Variants in PRKN observed in about 807,000 individuals in gnomAD.
The protein encoded by PRKN is E3 ubiquitin-protein ligase parkin.
In PRKN, 56 loss-of-function variants were observed where a neutral mutation model predicts 59.5. The ratio of observed to expected loss-of-function variants is 0.94; its 90% CI spans 0.76 to 1.18. The LOEUF is 1.18. Ranked by LOEUF, PRKN falls within the 50% of genes most tolerant of loss-of-function variation. The pLI is 0.00. For synonymous variants in PRKN, 250 were observed against 222.1 expected (o/e 1.13, Z -1.12); for missense variants, 657 against 596.4 (o/e 1.10, Z -1.06).
rs1176880061 is a variant in PRKN, at chr6:161,360,933, T to C, written c.1168-728A>G. ...TGAAACACCTTGTGCATTGGGGGTA[T>C]GGAGGATTCTATGAGTTAATTTCTT... On this transcript the variant is annotated intron_variant, in intron 10 of 11. Transcript: ENST00000366898. The surrounding 1 kb of genome is among the most constrained non-coding windows in gnomAD (Gnocchi z 5.1). Among the ~76,000 whole-genome samples, 1 of 152,178 alleles carries C rather than the reference T, an allele frequency of 6.6e-6. No homozygotes were observed. Among genetic ancestry groups the C allele is most frequent in the East Asian group, 1.9e-4 (1 of 5,192 alleles).
intron 3 of PRKN, among the ~76,000 whole-genome samples, chr6:162,234,029 G>C (rs1252698030): frequency 6.6e-6 from 1 of 152,132 alleles, no homozygotes; most frequent in Non-Finnish European, 1.5e-5. Context: ...AAGAGTTGAT[G>C]ACAAAAATAA....
At chr6:162,399,427 C>T (rs1235945972) in intron 2 of PRKN, among the ~76,000 whole-genome samples, 2 of 152,048 alleles carry the variant, frequency 1.3e-5, no homozygotes, top group African/African-American at 4.8e-5. Flanking sequence ...AGAAAGTGAG[C>T]AATACTAGAA....
chr6:161,844,990 C>G (rs1274661026), intron 6 of PRKN, among the ~76,000 whole-genome samples: 2 of 152,218 alleles, frequency 1.3e-5, no homozygotes, highest in Admixed American at 1.3e-4. Context: ...TACACAGGTA[C>G]AAACCAGTTG....
At position 161,419,166 on chromosome 6, in the gene PRKN, G is replaced by C. The variant is rs1171348630; in HGVS notation, c.1084-32289C>G. ...TGAAAATGGTGAGAATCCTTTACGAGCTAACGTGCTACACAGAGTTTGATG... is the reference window on the plus strand; with the variant it reads ...TGAAAATGGTGAGAATCCTTTACGACCTAACGTGCTACACAGAGTTTGATG... On this transcript the variant is annotated intron_variant, in intron 9 of 11. Transcript: ENST00000366898. The surrounding 1 kb of genome is among the most constrained non-coding windows in gnomAD (Gnocchi z 4.1). 6.6e-6 allele frequency among the ~76,000 whole-genome samples: 1 copy of C among 152,178 alleles called. No individual in the cohort carries two copies. Among genetic ancestry groups the C allele is most frequent in the South Asian group, 2.1e-4 (1 of 4,826 alleles).
intron 1 of PRKN, among the ~76,000 whole-genome samples, chr6:162,677,410 A>T (rs2128231765): frequency 7.3e-6 from 1 of 136,490 alleles, no homozygotes; most frequent in East Asian, 2.5e-4. Context: ...GTACTTGGTT[A>T]TTCTGGCCTC....
At chr6:162,669,540 T>A (rs1047848438) in intron 1 of PRKN, among the ~76,000 whole-genome samples, 7 of 152,192 alleles carry the variant, frequency 4.6e-5, no homozygotes, top group Non-Finnish European at 1.0e-4. Flanking sequence ...GCAATCTCTT[T>A]GCCAGTCTAT....
At chr6:162,127,631 T>C (rs1781175042) in intron 4 of PRKN, among the ~76,000 whole-genome samples, 1 of 152,200 alleles carries the variant, frequency 6.6e-6, no homozygotes, top group African/African-American at 2.4e-5. Context: ...AAAATGTGCA[T>C]CGTTGAGTCA....
chr6:161,870,770 T>C (rs1794309313), intron 6 of PRKN, among the ~76,000 whole-genome samples: 1 of 152,196 alleles, frequency 6.6e-6, no homozygotes, highest in Admixed American at 6.5e-5. Flanking sequence ...CAGTGCCAAC[T>C]GTTTTCATGG....
chr6:161,976,711 GT>G (rs1285107646), intron 5 of PRKN, among the ~76,000 whole-genome samples: 1 of 152,138 alleles, frequency 6.6e-6, no homozygotes, highest in Admixed American at 6.5e-5. Flanking sequence ...GCTACGACTG[GT>G]TTTTGCAGAC....
Position 162,351,832 on chromosome 6 carries a change from TTG to T in PRKN, c.172-89069_172-89068del, listed in dbSNP as rs565646322. Among the ~76,000 whole-genome samples, 1,148 of 151,244 alleles carry T rather than the reference TTG, an allele frequency of 7.6e-3. 3 individuals carry two copies. Among genetic ancestry groups the T allele is most frequent in the African/African-American group, 0.02 (810 of 41,330 alleles). On this transcript the variant is annotated intron_variant, in intron 2 of 11. Coordinates refer to ENST00000366898, the MANE Select transcript of PRKN (RefSeq NM_004562.3). The stretch of plus-strand genomic sequence containing the variant: ...TATACCCTGAGGTTTTTGTGTGTGT[TTG>T]TGTGTGTGTGTGTATGGGTGTGTGT...
chr6:162,023,144 C>T (rs896452999), intron 5 of PRKN, among the ~76,000 whole-genome samples: 3 of 151,870 alleles, frequency 2.0e-5, no homozygotes, highest in African/African-American at 7.3e-5. Context: ...TACAGACGGG[C>T]AGGCTGTGGG....
intron 4 of PRKN, among the ~76,000 whole-genome samples, chr6:162,100,708 C>G (rs1273118801): frequency 6.6e-6 from 1 of 152,152 alleles, no homozygotes; most frequent in Non-Finnish European, 1.5e-5. Flanking sequence ...TCCCAAAGTG[C>G]TGGGATTACA....
intron 6 of PRKN, among the ~76,000 whole-genome samples, chr6:161,925,812 G>T (rs1778948785): frequency 6.6e-6 from 1 of 152,064 alleles, no homozygotes; most frequent in Non-Finnish European, 1.5e-5. Context: ...AAACAACATG[G>T]AAGACATCCT....
chr6:162,268,866 G>A (rs1780247902), intron 2 of PRKN, among the ~76,000 whole-genome samples: 1 of 152,170 alleles, frequency 6.6e-6, no homozygotes, highest in Non-Finnish European at 1.5e-5. Flanking sequence ...AACCACCCCA[G>A]GTACGAAGGA....
Position 162,723,373 on chromosome 6 carries a change from G to C in PRKN, c.7+4289C>G, listed in dbSNP as rs563944705. Among the ~76,000 whole-genome samples the C allele has an allele frequency of 2.0e-5, 3 of 152,182 alleles. No homozygotes were observed. In the East Asian group the frequency reaches 5.8e-4, roughly 29 times the overall value. Reference sequence around the variant, plus strand: ...AAAAATCTTCGATGGCACATGGGAGGAAATGGGCACTCTTATACACACTGA... The same window carrying C: ...AAAAATCTTCGATGGCACATGGGAGCAAATGGGCACTCTTATACACACTGA... On this transcript the variant is annotated intron_variant, in intron 1 of 11. Transcript: ENST00000366898.
chr6:162,493,156 C>G (rs1261846211), intron 1 of PRKN, among the ~76,000 whole-genome samples: 1 of 152,090 alleles, frequency 6.6e-6, no homozygotes, highest in Non-Finnish European at 1.5e-5. Context: ...ATGGACATTT[C>G]TATCGCCAAC....
rs200619061 is a variant in PRKN, at chr6:162,390,423, A to C, written c.171+52887T>G. On this transcript the variant is annotated intron_variant, in intron 2 of 11. Coordinates refer to ENST00000366898, the MANE Select transcript of PRKN (RefSeq NM_004562.3). ...CACACACACACACACACACACACAC[A>C]CACACCTTATATATATATATATATT... Among the ~76,000 whole-genome samples, 39 of 142,232 alleles carry C rather than the reference A, an allele frequency of 2.7e-4. 1 individual carries two copies. The East Asian group carries it at 6.9e-3, about 25-fold the overall frequency. 93.3% of individuals were successfully genotyped at this position (142,232 alleles called of 152,430 possible). A position where few individuals can be genotyped will look rare whatever the true frequency, so the allele number is the denominator to read the frequency against.
At chr6:162,072,933 A>C (rs1004518939) in intron 4 of PRKN, among the ~76,000 whole-genome samples, 1 of 152,214 alleles carries the variant, frequency 6.6e-6, no homozygotes, top group African/African-American at 2.4e-5. Flanking sequence ...CAATATCATC[A>C]TGGAAAGAAC....
intron 5 of PRKN, among the ~76,000 whole-genome samples, chr6:161,996,057 G>A (rs988076795): frequency 1.3e-5 from 2 of 152,094 alleles, no homozygotes; most frequent in African/African-American, 2.4e-5. Flanking sequence ...CCAAAGGAAG[G>A]AAATCAGCAT....
Sources: gnomAD v4.1 joint callset for allele counts (sites outside exome capture counted in the v4.1 genomes callset) on GRCh38, gnomAD v4.1.1 for gene constraint, Gnocchi (gnomAD v3.1) non-coding constraint, MANE v1.5 for transcripts, NCBI Gene and HGNC (gene_info 2026-07-23, HGNC 2026-07-21) for gene names.